The following RMDN2 variants were observed in gnomAD, a reference collection of about 807,000 sequenced individuals.
RMDN2 encodes regulator of microtubule dynamics protein 2.
Under a neutral mutation model 52.8 loss-of-function variants are expected in RMDN2, and 61 were observed. The ratio of observed to expected loss-of-function variants is 1.16; its 90% CI spans 0.94 to 1.43. The LOEUF is 1.43. Ranked by LOEUF, RMDN2 falls within the 40% of genes most tolerant of loss-of-function variation. RMDN2 has a pLI of 0.00. For synonymous variants in RMDN2, 180 were observed against 153.1 expected (o/e 1.18, Z -1.30); for missense variants, 592 against 475.3 (o/e 1.25, Z -2.28).
chr2:38,017,223 C>T lies in RMDN2; in HGVS notation c.1217C>T (p.Thr406Ile). The stretch of plus-strand genomic sequence containing the variant: ...CAGAAAGAGATGCAAAAAATAATGA[C>T]TTCCTTGAAGAGGTAAATAAACGAA... ...EAQKEMQKIMTSLKR is the reference protein window; with the variant it reads ...EAQKEMQKIMISLKR The change falls in exon 11 of 11, where the codon ACT becomes ATT. Residue 406 changes from threonine (T) to isoleucine (I), a missense_variant. Physicochemically the swap from Thr to Ile is moderately conservative, Grantham distance 89. Coordinates refer to ENST00000354545, the MANE Select transcript of RMDN2 (RefSeq NM_001170791.3). The T allele has an allele frequency of 6.5e-7, 1 of 1,533,134 alleles. No individual in the cohort carries two copies. The highest frequency in any genetic ancestry group is 8.8e-7 in the Non-Finnish European group (1 of 1,137,670). 95.0% of individuals were successfully genotyped at this position (1,533,134 alleles called of 1,614,324 possible).
At chr2:37,992,928 T>C (rs893973841) in intron 7 of RMDN2, among the ~76,000 whole-genome samples, 11 of 152,116 alleles carry the variant, frequency 7.2e-5, no homozygotes, top group Non-Finnish European at 1.3e-4. Context: ...TTTCTTTTCT[T>C]TTCTTTGACC....
At chr2:38,051,730 T>C (rs1681613719) in intron 10 of RMDN2, among the ~76,000 whole-genome samples, 1 of 152,184 alleles carries the variant, frequency 6.6e-6, no homozygotes, top group African/African-American at 2.4e-5. Flanking sequence ...TCTACCTCTG[T>C]GAGATTAAAG....
intron 4 of RMDN2, 27 bp from the exon 5 acceptor site, chr2:37,981,256 T>C (rs2125099938): frequency 7.4e-7 from 1 of 1,360,452 alleles, no homozygotes; most frequent in African/African-American, 1.4e-5. Flanking sequence ...CATGAAGGTA[T>C]TAAGTGTAAG....
intron 10 of RMDN2, among the ~76,000 whole-genome samples, chr2:38,032,207 A>G (rs924085479): frequency 2.0e-5 from 3 of 152,210 alleles, no homozygotes; most frequent in Non-Finnish European, 2.9e-5. Flanking sequence ...CATATAGAGC[A>G]TGACCATCGC....
intron 10 of RMDN2, among the ~76,000 whole-genome samples, chr2:38,040,603 A>C (rs1446447629): frequency 6.6e-6 from 1 of 152,206 alleles, no homozygotes; most frequent in African/African-American, 2.4e-5. Flanking sequence ...TTACGAGTCT[A>C]AGGTATTTTG....
In RMDN2 at chr2:37,929,539, G is replaced by A. The variant is rs1258368534; in HGVS notation, c.262G>A (p.Glu88Lys). The change falls in exon 2 of 11, where the codon GAA (glutamate) becomes AAA (lysine). Residue 88 changes from glutamate (E) to lysine (K), a missense_variant. Physicochemically the swap from Glu to Lys is moderately conservative, Grantham distance 56. Transcript: ENST00000354545. ...AAACGAATTACTGACAAATATGGAA[G>A]AACTCAAAGAGGAAATCAGATTTCT... is the stretch of plus-strand genomic sequence containing the variant. ...KLNELLTNME[E>K]LKEEIRFLKE... 1.3e-6 allele frequency: 2 copies of A among 1,551,708 alleles called. No homozygotes were observed. Among genetic ancestry groups the A allele is most frequent in the Non-Finnish European group, 1.7e-6 (2 of 1,146,944 alleles).
intron 10 of RMDN2, among the ~76,000 whole-genome samples, chr2:38,010,847 T>A (rs1212893374): frequency 2.0e-5 from 3 of 152,246 alleles, no homozygotes; most frequent in African/African-American, 7.2e-5. Flanking sequence ...TCAGCCATCT[T>A]GGCTCCACCC....
chr2:38,035,154 C>A (rs980341187), intron 10 of RMDN2, among the ~76,000 whole-genome samples: 1 of 152,064 alleles, frequency 6.6e-6, no homozygotes, highest in African/African-American at 2.4e-5. Flanking sequence ...ATATAGAAAT[C>A]AGTAGCCATG....
rs1673301038 is a variant in RMDN2, at chr2:37,981,449, A to G, written c.791+106A>G. 5 of 723,600 alleles carry G rather than the reference A, an allele frequency of 6.9e-6. No homozygotes were observed. In the East Asian group the frequency reaches 1.3e-4, roughly 18 times the overall value. The allele number at this position is 723,600 out of a possible 1,614,324, so 44.8% of individuals were successfully genotyped here. On this transcript the variant is annotated intron_variant, in intron 5 of 10. Transcript: ENST00000354545. ...GACTCATACGTTTAATCTGTCAGTCACATTCACTGAAAAATATGTATAATA... is the reference window on the plus strand; with the variant it reads ...GACTCATACGTTTAATCTGTCAGTCGCATTCACTGAAAAATATGTATAATA...
intron 2 of RMDN2, among the ~76,000 whole-genome samples, chr2:37,970,502 TG>T (rs1006544390): frequency 6.6e-6 from 1 of 152,192 alleles, no homozygotes; most frequent in African/African-American, 2.4e-5. Flanking sequence ...TTTTATTTTT[TG>T]TAATATTCAT....
chr2:37,995,366 C>CTACTACTAT (rs1553372281), intron 7 of RMDN2, among the ~76,000 whole-genome samples: 1 of 141,690 alleles, frequency 7.1e-6, no homozygotes, highest in South Asian at 2.2e-4. Context: ...ACTACTACTA[C>CTACTACTAT]ACACACACAC....
rs570664365 is a variant in RMDN2 at position 37,969,278 on chromosome 2, G to A, written c.453-4762G>A. Among the ~76,000 whole-genome samples, 7 of 151,808 alleles carry A rather than the reference G, an allele frequency of 4.6e-5. No individual in the cohort carries two copies. In the South Asian group the frequency reaches 1.0e-3, roughly 22 times the overall value. On this transcript the variant is annotated intron_variant, in intron 2 of 10. Transcript: ENST00000354545. ...TTCCATTGGAATTTTTCTCAGAATT[G>A]CATTAAAAGTATAAATTAATGTGGA...
chr2:38,052,459 C>T (rs992273233), intron 10 of RMDN2, among the ~76,000 whole-genome samples: 1 of 152,030 alleles, frequency 6.6e-6, no homozygotes, highest in African/African-American at 2.4e-5. Flanking sequence ...ATATATTTTC[C>T]CTCATTCCAC....
intron 7 of RMDN2, 114 bp downstream of exon 7, chr2:37,991,411 T>C (rs1674774029): frequency 5.1e-6 from 2 of 389,136 alleles, no homozygotes; most frequent in Admixed American, 4.2e-5. Flanking sequence ...GGGAGAATTA[T>C]AATAGCAATA....
chr2:38,066,353 G>A (rs912053923), intron 10 of RMDN2, among the ~76,000 whole-genome samples: 1 of 152,194 alleles, frequency 6.6e-6, no homozygotes, highest in African/African-American at 2.4e-5. Flanking sequence ...TACCCATAGC[G>A]TGTCCATACC....
rs1572943164 is a variant in RMDN2, at chr2:37,985,455, G to A, written c.792-4086G>A. On this transcript the variant is annotated intron_variant, in intron 5 of 10. Transcript: ENST00000354545. ...TATACCTGGATTGAAGTAAAGCACTGAGGCAAGTTCACTCATAACATTTTT... is the reference window on the plus strand; with the variant it reads ...TATACCTGGATTGAAGTAAAGCACTAAGGCAAGTTCACTCATAACATTTTT... 2.0e-5 allele frequency among the ~76,000 whole-genome samples: 3 copies of A among 152,186 alleles called. No individual in the cohort carries two copies. The East Asian group carries it at 5.8e-4, about 29-fold the overall frequency.
chr2:38,015,004 A>G (rs943107773), intron 10 of RMDN2, among the ~76,000 whole-genome samples: 7 of 152,368 alleles, frequency 4.6e-5, no homozygotes, highest in African/African-American at 1.4e-4. Context: ...ATCTAAGGAA[A>G]TTAGAATTTA....
chr2:37,973,720 C>T (rs767735755), intron 2 of RMDN2, among the ~76,000 whole-genome samples: 4 of 151,756 alleles, frequency 2.6e-5, no homozygotes, highest in African/African-American at 9.7e-5. Flanking sequence ...AAGGAAACGG[C>T]GTTTCATTAA....
chr2:38,050,559 G>C (rs904329549), intron 10 of RMDN2, among the ~76,000 whole-genome samples: 2 of 152,126 alleles, frequency 1.3e-5, no homozygotes, highest in Non-Finnish European at 2.9e-5. Context: ...GTTTTAGTTG[G>C]TCAGAAAAGC....
Sources: gnomAD v4.1 joint callset for allele counts (sites outside exome capture counted in the v4.1 genomes callset) on GRCh38, gnomAD v4.1.1 for gene constraint, MANE v1.5 for transcripts, NCBI Gene and HGNC (gene_info 2026-07-23, HGNC 2026-07-21) for gene names.